The following DST variants were observed in gnomAD, a reference collection of about 807,000 sequenced individuals.
DST encodes the protein dystonin.
Under a neutral mutation model 875.2 loss-of-function variants are expected in DST, and 253 were observed. The observed-to-expected ratio is 0.29, with a 90% CI of 0.26 to 0.32. The LOEUF (loss-of-function observed/expected upper bound fraction) is 0.32. DST is among the 10% of genes least tolerant of loss of function. The pLI is 1.00. For missense variants in DST, 8,287 were observed against 9,111.6 expected (o/e 0.91, Z 3.68); for synonymous variants, 3,124 against 3,197.1 (o/e 0.98, Z 0.77).
chr6:56,751,672 C>CTCAGAGA (rs2099587589), intron 4 of DST, among the ~76,000 whole-genome samples: 1 of 152,140 alleles, frequency 6.6e-6, no homozygotes, highest in African/African-American at 2.4e-5. Context: ...AGAGAACCAC[C>CTCAGAGA]ATGTGGCCCA....
At chr6:56,725,447 C>T (rs2099449142) in intron 5 of DST, among the ~76,000 whole-genome samples, 1 of 152,166 alleles carries the variant, frequency 6.6e-6, no homozygotes, top group South Asian at 2.1e-4. Flanking sequence ...TTCTTCATGA[C>T]CCTAGCTGAA....
chr6:56,527,377 A>G (rs2096822139), intron 68 of DST, 116 bp downstream of exon 68: 1 of 1,344,700 alleles, frequency 7.4e-7, no homozygotes, highest in Admixed American at 2.7e-5. Context: ...GTCTCCACCC[A>G]CCAAGGCATC....
At chr6:56,943,419 TTTTTC>T (rs1283497547) in intron 2 of DST, among the ~76,000 whole-genome samples, 1 of 151,314 alleles carries the variant, frequency 6.6e-6, no homozygotes, top group African/African-American at 2.4e-5. Context: ...ACTCATTTTC[TTTTTC>T]TTTTTCTTTT....
chr6:56,823,472 G>A (rs1433111209), intron 4 of DST, among the ~76,000 whole-genome samples: 1 of 151,898 alleles, frequency 6.6e-6, no homozygotes, highest in Non-Finnish European at 1.5e-5. Context: ...GTGCAGTGCC[G>A]CAATCTCAGC....
intron 85 of DST, among the ~76,000 whole-genome samples, chr6:56,491,463 C>T (rs1283252097): frequency 6.6e-6 from 1 of 152,168 alleles, no homozygotes; most frequent in Non-Finnish European, 1.5e-5. Flanking sequence ...AGGTACACCT[C>T]TCTCTTCCAT....
chr6:56,679,899 C>A (rs1482307448), intron 9 of DST, among the ~76,000 whole-genome samples: 1 of 152,132 alleles, frequency 6.6e-6, no homozygotes, highest in Non-Finnish European at 1.5e-5. Flanking sequence ...GTAAGAACCC[C>A]CTTCTGTCCT....
At position 56,606,824 on chromosome 6, in the gene DST, T is replaced by C. The variant is rs1251402081; in HGVS notation, c.7804A>G (p.Thr2602Ala). ...TSLLNDQQNN[T>A]GTDTDSDDDF... is the part of the protein sequence containing the mutation. ...TCATCACTATCAGTGTCTGTTCCTG[T>C]GTTATTCTGCTGATCATTCAGCAGT... Residue 2602 changes from threonine (T) to alanine (A), a missense_variant, in exon 40 of 104, where the codon ACA becomes GCA. Thr to Ala is a moderately conservative substitution (Grantham distance 58). Around this residue, in one of 10 missense-constraint regions of DST, gnomAD observed 3,138 missense variants for 3,116.6 expected, o/e 1.01. Transcript: ENST00000680361. 1.2e-6 allele frequency: 2 copies of C among 1,613,262 alleles called. No individual in the cohort carries two copies.
chr6:56,920,937 T>A (rs375922805), intron 2 of DST, among the ~76,000 whole-genome samples: 1 of 128,220 alleles, frequency 7.8e-6, no homozygotes, highest in South Asian at 2.5e-4. Context: ...AGAGACAGGG[T>A]TTCCCTACGT....
At chr6:56,756,068 T>G (rs1468740301) in intron 4 of DST, among the ~76,000 whole-genome samples, 2 of 151,620 alleles carry the variant, frequency 1.3e-5, no homozygotes, top group African/African-American at 4.9e-5. Flanking sequence ...AAGAGGGGAG[T>G]CAAGACTAAT....
At chr6:56,560,007 A>G (rs2097509935) in intron 58 of DST, among the ~76,000 whole-genome samples, 1 of 152,178 alleles carries the variant, frequency 6.6e-6, no homozygotes, top group African/African-American at 2.4e-5. Flanking sequence ...TAGGAAAAAG[A>G]AACATTAATG....
intron 86 of DST, among the ~76,000 whole-genome samples, chr6:56,488,252 G>T (rs2095627865): frequency 6.6e-6 from 1 of 152,132 alleles, no homozygotes; most frequent in South Asian, 2.1e-4. Context: ...ACAGGTCACT[G>T]TTGCCAAATA....
chr6:56,517,088 C>T, intron 71 of DST, 110 bp downstream of exon 71: 8 of 775,616 alleles, frequency 1.0e-5, no homozygotes, highest in South Asian at 9.2e-5. Flanking sequence ...ATTATTTTTG[C>T]TGCTTAAATG....
At chr6:56,688,870 A>T (rs2099206380) in intron 9 of DST, among the ~76,000 whole-genome samples, 1 of 152,192 alleles carries the variant, frequency 6.6e-6, no homozygotes, top group Non-Finnish European at 1.5e-5. Flanking sequence ...TAAAGAAATA[A>T]AGGAAGAGAG....
Position 56,607,804 on chromosome 6 carries a change from G to A in DST, c.6824C>T (p.Thr2275Ile). ...SGREKDECTATPSSFNKCHCG... is the reference protein window; with the variant it reads ...SGREKDECTAIPSSFNKCHCG... ...GTGACATTTATTGAAACTACTTGGT[G>A]TAGCTGTACATTCATCCTTTTCTCT... is the stretch of plus-strand genomic sequence containing the variant. The change falls in exon 40 of 104, where the codon ACA (threonine) becomes ATA (isoleucine). Residue 2275 changes from threonine (T) to isoleucine (I), a missense_variant. Around this residue, in one of 10 missense-constraint regions of DST, gnomAD observed 3,138 missense variants for 3,116.6 expected, o/e 1.01. Coordinates refer to ENST00000680361, the MANE Select transcript of DST (RefSeq NM_001374736.1). The A allele has an allele frequency of 1.2e-6, 2 of 1,613,356 alleles. No homozygotes were observed. Among genetic ancestry groups the A allele is most frequent in the South Asian group, 2.2e-5 (2 of 91,074 alleles).
intron 49 of DST, among the ~76,000 whole-genome samples, chr6:56,584,122 C>G (rs1228146097): frequency 6.6e-6 from 1 of 152,024 alleles, no homozygotes; most frequent in Admixed American, 6.6e-5. Flanking sequence ...TTTTCCAATT[C>G]TGTGAAGAAA....
At chr6:56,580,115 T>G (rs796726882) in intron 49 of DST, among the ~76,000 whole-genome samples, 1 of 152,216 alleles carries the variant, frequency 6.6e-6, no homozygotes, top group South Asian at 2.1e-4. Context: ...AGCTACCAAC[T>G]ACAGGTAGCT....
Position 56,540,110 on chromosome 6 carries a change from T to A in DST, c.16609-3170A>T, listed in dbSNP as rs544912006. On this transcript the variant is annotated intron_variant, in intron 61 of 103. Transcript: ENST00000680361. ...AGTCCCTATTAATTTGTTATAATTA[T>A]CCATTTATCAATATGTGGCATCTTG... Among the ~76,000 whole-genome samples the A allele has an allele frequency of 8.5e-5, 13 of 152,356 alleles. No homozygotes were observed. In the East Asian group the frequency reaches 2.5e-3, roughly 29 times the overall value.
At chr6:56,751,360 AT>A (rs1341592484) in intron 4 of DST, among the ~76,000 whole-genome samples, 1 of 152,242 alleles carries the variant, frequency 6.6e-6, no homozygotes, top group Non-Finnish European at 1.5e-5. Flanking sequence ...CCAATATAAC[AT>A]TAGTAATTAA....
rs761549617 is a variant in DST at position 56,593,783 on chromosome 6, C to T, written c.12606G>A (p.Leu4202=). ...RYITISGNRV[L]EAAKSCSKRD... is the part of the protein sequence containing the mutation. ...TCTTGCTGCAAGATTTGGCAGCTTC[C>T]AACACTCTGTTTCCAGAAATTGTGA... Residue 4202 remains leucine (L), a synonymous_variant, in exon 48 of 104, where the codon TTG becomes TTA. Coordinates refer to ENST00000680361, the MANE Select transcript of DST (RefSeq NM_001374736.1). The T allele has an allele frequency of 6.2e-7, 1 of 1,613,878 alleles. No individual in the cohort carries two copies. The highest frequency in any genetic ancestry group is 2.2e-5 in the East Asian group (1 of 44,866).
Sources: allele counts gnomAD v4.1 joint callset (sites outside exome capture counted in the v4.1 genomes callset), GRCh38; gene constraint gnomAD v4.1.1; regional missense constraint gnomAD v4.1.1; transcripts MANE v1.5; gene names NCBI Gene and HGNC (gene_info 2026-07-23, HGNC 2026-07-21).